The following SEC61G variants were observed in gnomAD, a reference collection of about 807,000 sequenced individuals.
SEC61G encodes the protein SEC61 translocon subunit gamma.
In SEC61G, 4 loss-of-function variants were observed where a neutral mutation model predicts 7.5. The ratio of observed to expected loss-of-function variants is 0.54; its 90% CI spans 0.26 to 1.22. The LOEUF is 1.22. Among genes scored for constraint, SEC61G ranks in the 50% most tolerant of loss-of-function variants. The probability of loss-of-function intolerance (pLI) is 0.12; values close to 1 mark genes in which losing one functional copy is unlikely to be tolerated. For synonymous variants in SEC61G, 24 were observed against 24.4 expected (o/e 0.98, Z 0.05); for missense variants, 53 against 84.6 (o/e 0.63, Z 1.46).
At chr7:54,756,876 T>C (rs2709286) in intron 2 of SEC61G, among the ~76,000 whole-genome samples, 7,886 of 150,240 alleles carry the variant, frequency 0.052, 249 homozygotes, top group Middle Eastern at 0.12. Context: ...CTAAGCTCCA[T>C]GACAGCAAGG....
At chr7:54,756,125 A>C (rs1791508673) in intron 2 of SEC61G, among the ~76,000 whole-genome samples, 1 of 152,242 alleles carries the variant, frequency 6.6e-6, no homozygotes, top group South Asian at 2.1e-4. Context: ...TAGTGAGTTC[A>C]TCAGCAAGTA....
At chr7:54,759,004 C>T in intron 1 of SEC61G, 154 bp downstream of exon 1, 1 of 326,758 alleles carries the variant, frequency 3.1e-6, no homozygotes, top group Admixed American at 4.0e-5. Context: ...ATGTCGGCGG[C>T]CAGACCCCGG....
chr7:54,757,294 T>A (rs1791538612), intron 2 of SEC61G, among the ~76,000 whole-genome samples: 1 of 152,032 alleles, frequency 6.6e-6, no homozygotes, highest in Non-Finnish European at 1.5e-5. Flanking sequence ...ATAAATAATC[T>A]TACACCATTT....
Position 54,752,355 on chromosome 7 carries a change from C to A in SEC61G, c.*56G>T. The A allele has an allele frequency of 1.5e-6, 2 of 1,292,120 alleles. No individual in the cohort carries two copies. Among genetic ancestry groups the A allele is most frequent in the Admixed American group, 2.5e-5 (1 of 40,232 alleles). The allele number at this position is 1,292,120 out of a possible 1,614,324, so 80.0% of individuals were successfully genotyped here. ...AAATTTGTATTCTGTGAGTTTCTCA[C>A]ACCCTCACACTTGTTCACCAATCTC... On this transcript the variant is annotated 3_prime_UTR_variant, in exon 4 of 4. Transcript: ENST00000352861.
chr7:54,752,631 T>C (rs1297917871), intron 3 of SEC61G, among the ~76,000 whole-genome samples: 1 of 152,252 alleles, frequency 6.6e-6, no homozygotes, highest in African/African-American at 2.4e-5. Context: ...AAGAGGTCTA[T>C]GTGTAAACTC....
chr7:54,757,268 G>C (rs925854583), intron 2 of SEC61G, among the ~76,000 whole-genome samples: 22 of 151,992 alleles, frequency 1.4e-4, no homozygotes, highest in African/African-American at 5.3e-4. Flanking sequence ...AATGTTACAT[G>C]GAACATAAGG....
At chr7:54,755,082 A>G (rs1188732186) in intron 3 of SEC61G, 2 of 151,372 alleles carry the variant, frequency 1.3e-5, no homozygotes, top group African/African-American at 2.4e-5. Context: ...AGGTGTCCCA[A>G]TGACTTGTAA....
At chr7:54,757,360 A>G in intron 2 of SEC61G, 135 bp downstream of exon 2, 1 of 662,022 alleles carries the variant, frequency 1.5e-6, no homozygotes. Context: ...GACAACGTTA[A>G]AAAGCTGTCG....
At chr7:54,752,522 A>G (rs2116338174) in intron 3 of SEC61G, 102 bp from the exon 4 acceptor site, 1 of 603,930 alleles carries the variant, frequency 1.7e-6, no homozygotes, top group East Asian at 3.2e-5. Flanking sequence ...GCTCAAGACC[A>G]ATTATGTGAA....
rs146547640 is a variant in SEC61G, at chr7:54,756,287, T to C, written c.95-406A>G. ...CATATCAATTATATGGGCAGAAACA[T>C]ACCTTTTTTGGGTACATTATAAACG... On this transcript the variant is annotated intron_variant, in intron 2 of 3. Transcript: ENST00000352861. 1.8e-3 allele frequency among the ~76,000 whole-genome samples: 269 copies of C among 152,330 alleles called. 1 individual carries two copies. The highest frequency in any genetic ancestry group is 6.2e-3 in the African/African-American group (256 of 41,580).
At chr7:54,757,297 C>T (rs1384435395) in intron 2 of SEC61G, among the ~76,000 whole-genome samples, 198 bp downstream of exon 2, 1 of 152,004 alleles carries the variant, frequency 6.6e-6, no homozygotes, top group East Asian at 1.9e-4. Context: ...AATAATCTTA[C>T]ACCATTTGAA....
At chr7:54,752,728 G>C (rs553856692) in intron 3 of SEC61G, among the ~76,000 whole-genome samples, 2 of 152,244 alleles carry the variant, frequency 1.3e-5, no homozygotes, top group African/African-American at 4.8e-5. Context: ...TACATGACAG[G>C]ATGGTTAGTT....
At chr7:54,758,922 C>G in intron 1 of SEC61G, 1 of 288,936 alleles carries the variant, frequency 3.5e-6, no homozygotes, top group Non-Finnish European at 6.8e-6. Flanking sequence ...TGGAGCCCCG[C>G]GGGCCGGCCA....
chr7:54,752,387 GA>G lies in SEC61G; in HGVS notation c.*23del. On this transcript the variant is annotated 3_prime_UTR_variant, in exon 4 of 4. Coordinates refer to ENST00000352861, the MANE Select transcript of SEC61G (RefSeq NM_014302.4). The stretch of plus-strand genomic sequence containing the variant: ...ACACTTGTTCACCAATCTCTAAGAT[GA>G]AAAACTCTCTTCCAAAATGTATTCA... 2 of 1,526,438 alleles carry G rather than the reference GA, an allele frequency of 1.3e-6. No individual in the cohort carries two copies. The highest frequency in any genetic ancestry group is 8.9e-7 in the Non-Finnish European group (1 of 1,122,176). 94.6% of individuals were successfully genotyped at this position (1,526,438 alleles called of 1,614,324 possible).
At chr7:54,755,620 C>T (rs2116344312) in intron 3 of SEC61G, 159 bp downstream of exon 3, 1 of 431,476 alleles carries the variant, frequency 2.3e-6, no homozygotes, top group Non-Finnish European at 4.1e-6. Flanking sequence ...CATGTAAGAT[C>T]TAAAAGCCCT....
At chr7:54,758,757 T>A (rs1791573904) in intron 1 of SEC61G, among the ~76,000 whole-genome samples, 1 of 152,124 alleles carries the variant, frequency 6.6e-6, no homozygotes. Flanking sequence ...TGCTCTCACT[T>A]TAAACCACGG....
rs1174362763 is a variant in SEC61G, at chr7:54,759,183, A to G, written c.-32T>C. On this transcript the variant is annotated 5_prime_UTR_variant, in exon 1 of 4. Coordinates refer to ENST00000352861, the MANE Select transcript of SEC61G (RefSeq NM_014302.4). ...CTACCCAACCGACACCTAAAATGCCAGGGACACGTAGCACTGGAGCTTGCT... is the reference window on the plus strand; with the variant it reads ...CTACCCAACCGACACCTAAAATGCCGGGGACACGTAGCACTGGAGCTTGCT... The G allele has an allele frequency of 3.9e-6, 2 of 518,902 alleles. No homozygotes were observed. Among genetic ancestry groups the G allele is most frequent in the East Asian group, 1.1e-4 (2 of 18,360 alleles). 32.1% of individuals were successfully genotyped at this position (518,902 alleles called of 1,614,324 possible).
chr7:54,757,731 CA>C, intron 1 of SEC61G, 137 bp from the exon 2 acceptor site: 1 of 599,040 alleles, frequency 1.7e-6, no homozygotes, highest in Non-Finnish European at 2.8e-6. Context: ...TAAAATAAAA[CA>C]AAAAACAAAC....
chr7:54,752,926 A>G (rs943672487), intron 3 of SEC61G, among the ~76,000 whole-genome samples: 1 of 152,344 alleles, frequency 6.6e-6, no homozygotes, highest in South Asian at 2.1e-4. Context: ...AAGCATAAAC[A>G]TTAAAACTGC....
Sources: allele counts gnomAD v4.1 joint callset (sites outside exome capture counted in the v4.1 genomes callset), GRCh38; gene constraint gnomAD v4.1.1; transcripts MANE v1.5; gene names NCBI Gene and HGNC (gene_info 2026-07-23, HGNC 2026-07-21).